RALYL: variants seen among roughly 807,000 people sequenced by gnomAD.
RALYL encodes the protein RNA-binding Raly-like protein.
Under a neutral mutation model 35.1 loss-of-function variants are expected in RALYL, and 29 were observed. The observed-to-expected ratio is 0.83, with a 90% confidence interval of 0.61 to 1.13. The LOEUF is 1.13. RALYL is among the 50% of genes most tolerant of loss of function. The pLI is 0.00. For synonymous variants in RALYL, 120 were observed against 127.6 expected (o/e 0.94, Z 0.40); for missense variants, 359 against 360.4 (o/e 1.00, Z 0.03).
At chr8:84,601,406 T>C (rs2130746379) in intron 2 of RALYL, among the ~76,000 whole-genome samples, 1 of 152,242 alleles carries the variant, frequency 6.6e-6, no homozygotes, top group Middle Eastern at 3.4e-3. Context: ...GTGGGGCAGA[T>C]GCTGGCCTCT....
intron 2 of RALYL, among the ~76,000 whole-genome samples, chr8:84,656,560 ATGT>A (rs1829998761): frequency 6.6e-6 from 1 of 152,112 alleles, no homozygotes; most frequent in African/African-American, 2.4e-5. Context: ...CAGGTTCATG[ATGT>A]TTGGTAAATA....
chr8:84,766,808 G>C (rs542044049), intron 2 of RALYL, among the ~76,000 whole-genome samples: 1 of 149,962 alleles, frequency 6.7e-6, no homozygotes, highest in African/African-American at 2.4e-5. Context: ...ACATGTGTTT[G>C]GTTAGACTTA....
intron 2 of RALYL, among the ~76,000 whole-genome samples, chr8:84,620,935 G>A (rs1442947922): frequency 6.6e-6 from 1 of 152,118 alleles, no homozygotes; most frequent in Admixed American, 6.5e-5. Context: ...CCCACTTGAG[G>A]AGGCAGTCTG....
At chr8:84,395,446 G>T (rs1327489657) in intron 1 of RALYL, among the ~76,000 whole-genome samples, 1 of 151,824 alleles carries the variant, frequency 6.6e-6, no homozygotes, top group East Asian at 1.9e-4. Context: ...GGATTTCTGT[G>T]ATCAAATATT....
intron 2 of RALYL, among the ~76,000 whole-genome samples, chr8:84,771,175 G>C (rs1815396168): frequency 6.6e-6 from 1 of 151,844 alleles, no homozygotes; most frequent in Non-Finnish European, 1.5e-5. Context: ...AGGTTTCTGA[G>C]GTTATCAATA....
At chr8:84,449,008 A>T (rs915322547) in intron 1 of RALYL, among the ~76,000 whole-genome samples, 1 of 151,752 alleles carries the variant, frequency 6.6e-6, no homozygotes, top group African/African-American at 2.4e-5. Context: ...ATGTGGTCCA[A>T]TCCCATTCAG....
At chr8:84,341,683 G>T (rs73294912) in intron 1 of RALYL, among the ~76,000 whole-genome samples, 7,537 of 151,888 alleles carry the variant, frequency 0.05, 275 homozygotes, top group African/African-American at 0.083. Context: ...CCTAATAATA[G>T]AAATACATCA....
In RALYL at chr8:84,400,346, G is replaced by T. The variant is rs112883120; in HGVS notation, c.-23-128953G>T. ...TCAGGTGTGGAATTTTCCAAGTGTG[G>T]TGTAATGTCAACACTCAAAAATTTT... On this transcript the variant is annotated intron_variant, in intron 1 of 8. Transcript: ENST00000521268. Among the ~76,000 whole-genome samples the T allele has an allele frequency of 1.5e-3, 227 of 152,230 alleles. 2 individuals carry two copies. Among genetic ancestry groups the T allele is most frequent in the African/African-American group, 4.5e-3 (185 of 41,542 alleles).
At chr8:84,744,967 C>T (rs981937514) in intron 2 of RALYL, among the ~76,000 whole-genome samples, 1 of 151,832 alleles carries the variant, frequency 6.6e-6, no homozygotes, top group African/African-American at 2.4e-5. Context: ...AGTATTCTTA[C>T]ACATAAATTC....
At chr8:84,749,403 G>C (rs977478069) in intron 2 of RALYL, among the ~76,000 whole-genome samples, 1 of 152,078 alleles carries the variant, frequency 6.6e-6, no homozygotes, top group African/African-American at 2.4e-5. Flanking sequence ...TTTGAGTCTA[G>C]TATTCATTTG....
chr8:84,447,306 T>C (rs1276093669), intron 1 of RALYL, among the ~76,000 whole-genome samples: 1 of 152,090 alleles, frequency 6.6e-6, no homozygotes, highest in Non-Finnish European at 1.5e-5. Flanking sequence ...CACATTCCGG[T>C]TCTGAATCTT....
intron 1 of RALYL, among the ~76,000 whole-genome samples, chr8:84,338,186 T>C (rs1022731896): frequency 3.4e-4 from 51 of 152,146 alleles, no homozygotes; most frequent in African/African-American, 1.1e-3. Flanking sequence ...TTATTTATAA[T>C]AATCCTGTAA....
chr8:84,314,696 T>C (rs1357445164), intron 1 of RALYL, among the ~76,000 whole-genome samples: 1 of 152,102 alleles, frequency 6.6e-6, no homozygotes, highest in Non-Finnish European at 1.5e-5. Flanking sequence ...GTTACTGCAC[T>C]CCAGCCTGGG....
At chr8:84,287,185 C>G (rs146668052) in intron 1 of RALYL, among the ~76,000 whole-genome samples, 1 of 152,120 alleles carries the variant, frequency 6.6e-6, no homozygotes, top group African/African-American at 2.4e-5. Flanking sequence ...GAGTAGGCCT[C>G]TAAGAGGGAT....
intron 1 of RALYL, among the ~76,000 whole-genome samples, chr8:84,468,283 C>T (rs938420616): frequency 1.2e-4 from 18 of 151,852 alleles, no homozygotes; most frequent in South Asian, 4.2e-4. Flanking sequence ...GGCTGGTACC[C>T]GTTGTTCCTT....
rs1178565169 is a variant in RALYL at position 84,771,149 on chromosome 8, AT to A, written c.257-3425del. ...ACTGTCAGTATTTTTCCAGGGCATT[AT>A]TTTTGTTCAGTGTTAGGTTTCTGAG... On this transcript the variant is annotated intron_variant, in intron 2 of 8. Transcript: ENST00000521268. Among the ~76,000 whole-genome samples the A allele has an allele frequency of 5.3e-5, 8 of 152,030 alleles. No individual in the cohort carries two copies. In the East Asian group the frequency reaches 9.7e-4, roughly 18 times the overall value.
chr8:84,696,901 G>A (rs1384563261), intron 2 of RALYL, among the ~76,000 whole-genome samples: 1 of 151,952 alleles, frequency 6.6e-6, no homozygotes, highest in Non-Finnish European at 1.5e-5. Context: ...CCCTTTAGCA[G>A]ACACAAATAC....
chr8:84,877,897 G>C (rs73301287), intron 7 of RALYL, among the ~76,000 whole-genome samples: 5,977 of 152,184 alleles, frequency 0.039, 394 homozygotes, highest in African/African-American at 0.14. Context: ...GATTGAATTG[G>C]TGATGCTTCC....
At chr8:84,372,633 G>T (rs945889890) in intron 1 of RALYL, among the ~76,000 whole-genome samples, 1 of 151,862 alleles carries the variant, frequency 6.6e-6, no homozygotes, top group Non-Finnish European at 1.5e-5. Flanking sequence ...AGTCCCAGGA[G>T]GATGACTGGG....
Sources: allele counts gnomAD v4.1 joint callset (sites outside exome capture counted in the v4.1 genomes callset), GRCh38; gene constraint gnomAD v4.1.1; transcripts MANE v1.5; gene names NCBI Gene and HGNC (gene_info 2026-07-23, HGNC 2026-07-21).